The following MARCHF1 variants were observed in gnomAD, a reference collection of about 807,000 sequenced individuals.
MARCHF1 encodes the protein membrane associated ring-CH-type finger 1.
MARCHF1 carries 40 observed loss-of-function variants against 54.2 expected under a neutral mutation model. The ratio of observed to expected loss-of-function variants is 0.74; its 90% CI spans 0.57 to 0.96. The LOEUF (loss-of-function observed/expected upper bound fraction) is 0.96, where lower values mean the gene tolerates loss of function less well. Among genes scored for constraint, MARCHF1 ranks in the 40% least tolerant of loss-of-function variants. MARCHF1 has a pLI of 0.00. For missense variants in MARCHF1, 586 were observed against 656.5 expected, an observed-to-expected ratio of 0.89 and a Z score of 1.17; for synonymous variants, 236 against 236.3, an observed-to-expected ratio of 1.00 and a Z score of 0.01.
intron 1 of MARCHF1, among the ~76,000 whole-genome samples, chr4:164,212,173 A>G (rs1372113801): frequency 6.6e-6 from 1 of 152,146 alleles, no homozygotes; most frequent in African/African-American, 2.4e-5. Context: ...AACAATAACA[A>G]CTATTTAATA....
At chr4:164,300,336 C>T (rs148750571) in intron 1 of MARCHF1, among the ~76,000 whole-genome samples, 3 of 152,224 alleles carry the variant, frequency 2.0e-5, no homozygotes, top group African/African-American at 7.2e-5. Context: ...TTTCTGGCCA[C>T]AGTGAGCTTT....
At chr4:164,211,315 A>G (rs1731763270) in intron 1 of MARCHF1, among the ~76,000 whole-genome samples, 1 of 110,150 alleles carries the variant, frequency 9.1e-6, no homozygotes, top group African/African-American at 3.6e-5. Flanking sequence ...CAACCTGCAT[A>G]TGTGTATGTA....
chr4:164,085,498 G>A (rs1209123574), intron 2 of MARCHF1, among the ~76,000 whole-genome samples: 5 of 151,742 alleles, frequency 3.3e-5, no homozygotes, highest in African/African-American at 1.2e-4. Flanking sequence ...TCAGATAGAA[G>A]AAAATTATTT....
At chr4:164,060,675 T>C (rs1350521259) in intron 2 of MARCHF1, among the ~76,000 whole-genome samples, 2 of 152,160 alleles carry the variant, frequency 1.3e-5, no homozygotes, top group Non-Finnish European at 2.9e-5. Flanking sequence ...GCATTCTTTA[T>C]AGTCCCCTAG....
At chr4:164,349,133 T>G (rs1730203264) in intron 1 of MARCHF1, among the ~76,000 whole-genome samples, 1 of 152,148 alleles carries the variant, frequency 6.6e-6, no homozygotes, top group South Asian at 2.1e-4. Flanking sequence ...GTGGAATCCA[T>G]TCTATCAACC....
At chr4:164,138,339 C>T (rs981875635) in intron 1 of MARCHF1, among the ~76,000 whole-genome samples, 2 of 151,496 alleles carry the variant, frequency 1.3e-5, no homozygotes, top group Admixed American at 6.6e-5. Context: ...TGGCAGTATA[C>T]ATACCACAAA....
At chr4:164,121,311 C>T (rs1014383458) in intron 1 of MARCHF1, among the ~76,000 whole-genome samples, 4 of 151,960 alleles carry the variant, frequency 2.6e-5, no homozygotes, top group South Asian at 2.1e-4. Context: ...TCCATTCTCA[C>T]GCTGCTATAA....
intron 5 of MARCHF1, among the ~76,000 whole-genome samples, chr4:163,633,723 T>A (rs1460494976): frequency 6.6e-6 from 1 of 152,064 alleles, no homozygotes; most frequent in African/African-American, 2.4e-5. Flanking sequence ...AGGACAACAT[T>A]CAGATTCAGG....
At chr4:163,857,020 AAAT>A (rs1225613407) in intron 3 of MARCHF1, among the ~76,000 whole-genome samples, 1 of 142,928 alleles carries the variant, frequency 7.0e-6, no homozygotes, top group African/African-American at 2.7e-5. Context: ...CTCGAAAAAT[AAAT>A]AAATAAATAA....
chr4:164,168,398 T>C lies in MARCHF1; in HGVS notation c.-322-56736A>G, dbSNP rs145389422. Among the ~76,000 whole-genome samples the C allele has an allele frequency of 1.9e-3, 296 of 152,178 alleles. 2 individuals carry two copies. Among genetic ancestry groups the C allele is most frequent in the Non-Finnish European group, 3.5e-3 (237 of 67,952 alleles). On this transcript the variant is annotated intron_variant, in intron 1 of 9. Coordinates refer to ENST00000514618, the MANE Select transcript of MARCHF1 (RefSeq NM_001394959.1). ...CCCAGTAATAATTTTTCTGTGTATA[T>C]GTCCAAAGGAGATGCAATCACCACC...
intron 1 of MARCHF1, among the ~76,000 whole-genome samples, chr4:164,179,004 A>G (rs967604771): frequency 1.3e-5 from 2 of 152,028 alleles, no homozygotes; most frequent in African/African-American, 2.4e-5. Flanking sequence ...GCTGCAGTTT[A>G]TAGAGAACAC....
At chr4:163,739,188 A>G (rs1300834270) in intron 4 of MARCHF1, among the ~76,000 whole-genome samples, 1 of 152,192 alleles carries the variant, frequency 6.6e-6, no homozygotes, top group African/African-American at 2.4e-5. Context: ...GAAATATTTC[A>G]CAACCTTTAT....
At chr4:164,189,220 G>A (rs113882733) in intron 1 of MARCHF1, 3 of 569,224 alleles carry the variant, frequency 5.3e-6, no homozygotes, top group South Asian at 2.0e-5. Flanking sequence ...CAGGAAAGAC[G>A]ATAGGGCTGT....
chr4:164,062,511 C>A (rs1262446139), intron 2 of MARCHF1, among the ~76,000 whole-genome samples: 1 of 151,966 alleles, frequency 6.6e-6, no homozygotes, highest in African/African-American at 2.4e-5. Context: ...CAAAATTTTT[C>A]TTTTAGTTGT....
chr4:164,300,437 T>C (rs569673089), intron 1 of MARCHF1, among the ~76,000 whole-genome samples: 1 of 152,270 alleles, frequency 6.6e-6, no homozygotes, highest in South Asian at 2.1e-4. Flanking sequence ...AACTGAACAC[T>C]AAATCTCCCC....
At chr4:163,964,506 T>G (rs1752404751) in intron 3 of MARCHF1, among the ~76,000 whole-genome samples, 1 of 151,982 alleles carries the variant, frequency 6.6e-6, no homozygotes, top group African/African-American at 2.4e-5. Context: ...GAATTTACAT[T>G]TCTAACAACT....
chr4:164,345,690 A>G (rs1455497835), intron 1 of MARCHF1, among the ~76,000 whole-genome samples: 1 of 151,838 alleles, frequency 6.6e-6, no homozygotes, highest in Non-Finnish European at 1.5e-5. Context: ...ACTTTGCTTA[A>G]TACCTTACTG....
At chr4:163,862,158 G>A (rs1399172674) in intron 3 of MARCHF1, among the ~76,000 whole-genome samples, 1 of 151,914 alleles carries the variant, frequency 6.6e-6, no homozygotes, top group Non-Finnish European at 1.5e-5. Context: ...GCAATGAGGT[G>A]GTAGATACAA....
chr4:164,157,938 A>AT (rs1730120429), intron 1 of MARCHF1, among the ~76,000 whole-genome samples: 1 of 152,190 alleles, frequency 6.6e-6, no homozygotes, highest in Non-Finnish European at 1.5e-5. Flanking sequence ...AGCAACTCCA[A>AT]TGGCAATTCC....
Sources: gnomAD v4.1 joint callset for allele counts (sites outside exome capture counted in the v4.1 genomes callset) on GRCh38, gnomAD v4.1.1 for gene constraint, MANE v1.5 for transcripts, NCBI Gene and HGNC (gene_info 2026-07-23, HGNC 2026-07-21) for gene names.